The following NEK6 variants were observed in gnomAD, a reference collection of about 807,000 sequenced individuals.
NEK6 encodes NIMA related kinase 6.
A neutral mutation model predicts 43.5 loss-of-function variants in NEK6; 27 were observed. The ratio of observed to expected loss-of-function variants is 0.62; its 90% CI spans 0.46 to 0.86. The LOEUF (loss-of-function observed/expected upper bound fraction) is 0.86. Ranked by LOEUF, NEK6 falls within the 40% of genes least tolerant of loss-of-function variation. The pLI is 0.00. For missense variants in NEK6, 318 were observed against 414.4 expected (o/e 0.77, Z 2.02); for synonymous variants, 167 against 164.1 (o/e 1.02, Z -0.14).
intron 7 of NEK6, among the ~76,000 whole-genome samples, chr9:124,334,277 T>TTGGATGGA (rs1409768194): frequency 1.3e-5 from 2 of 151,318 alleles, no homozygotes; most frequent in Admixed American, 1.3e-4. Flanking sequence ...TGAATGGGGG[T>TTGGATGGA]TGGATGGATG....
intron 1 of NEK6, among the ~76,000 whole-genome samples, chr9:124,273,238 A>C (rs562593256): frequency 1.3e-5 from 2 of 152,238 alleles, no homozygotes; most frequent in Admixed American, 1.3e-4. Flanking sequence ...CTTATTCCAC[A>C]TCCACCTGCT....
intron 1 of NEK6, among the ~76,000 whole-genome samples, chr9:124,295,500 C>CT (rs1433661141): frequency 6.6e-5 from 10 of 152,220 alleles, no homozygotes; most frequent in Non-Finnish European, 1.2e-4. Flanking sequence ...GTCATTTATT[C>CT]ACACCCTCTT....
At chr9:124,302,773 A>G (rs888635724) in intron 2 of NEK6, among the ~76,000 whole-genome samples, 2 of 152,220 alleles carry the variant, frequency 1.3e-5, no homozygotes, top group Admixed American at 6.5e-5. Context: ...ACCTGTGTCC[A>G]CACACCTGGG....
chr9:124,269,467 G>A (rs1402253874), intron 1 of NEK6, among the ~76,000 whole-genome samples: 5 of 151,788 alleles, frequency 3.3e-5, no homozygotes, highest in East Asian at 1.9e-4. Context: ...TCTGCCTCCC[G>A]GGTTCAAGCA....
chr9:124,284,609 T>C (rs1832070165), intron 1 of NEK6, among the ~76,000 whole-genome samples: 1 of 152,246 alleles, frequency 6.6e-6, no homozygotes. Flanking sequence ...AAGGCAGGAC[T>C]GAGGCGGTCT....
Position 124,339,678 on chromosome 9 carries a change from CCGTGGCTCAGCAG to C in NEK6, c.717+15_717+27del. The C allele has an allele frequency of 6.3e-7, 1 of 1,594,120 alleles. No homozygotes were observed. The highest frequency in any genetic ancestry group is 8.6e-7 in the Non-Finnish European group (1 of 1,161,704). On this transcript the variant is annotated intron_variant, in intron 8 of 9. Coordinates refer to ENST00000320246, the MANE Select transcript of NEK6 (RefSeq NM_014397.6). ...TCTGCTGTACGAGGTGAGTCTCTGTCCGTGGCTCAGCAGCATTTGGTGGGACATGCATGGGGGG... is the reference window on the plus strand; with the variant it reads ...TCTGCTGTACGAGGTGAGTCTCTGTCCATTTGGTGGGACATGCATGGGGGG...
chr9:124,317,554 G>A (rs947043455), intron 4 of NEK6, among the ~76,000 whole-genome samples: 2 of 152,174 alleles, frequency 1.3e-5, no homozygotes, highest in African/African-American at 4.8e-5. Context: ...TAGATTCAGA[G>A]GGTACACATG....
intron 2 of NEK6, 48 bp from the exon 3 acceptor site, chr9:124,312,461 T>C (rs780281219): frequency 1.0e-5 from 16 of 1,588,200 alleles, no homozygotes; most frequent in Middle Eastern, 1.7e-4. Context: ...TCCCCAGGCC[T>C]CTGCTGCAGC....
At chr9:124,268,119 G>A (rs979042467) in intron 1 of NEK6, among the ~76,000 whole-genome samples, 3 of 152,186 alleles carry the variant, frequency 2.0e-5, no homozygotes. Context: ...TCACTGTGAT[G>A]TGCTAATGTT....
Position 124,351,187 on chromosome 9 carries a change from C to G in NEK6, c.*240C>G. The G allele has an allele frequency of 2.3e-6, 1 of 434,914 alleles. No individual in the cohort carries two copies. Among genetic ancestry groups the G allele is most frequent in the Admixed American group, 3.8e-5 (1 of 26,182 alleles). The allele number at this position is 434,914 out of a possible 1,614,324, so 26.9% of individuals were successfully genotyped here. ...CTTTCTTTATACTGTTGTGGACAAT[C>G]TCAGCTGGGTCAATAAGGGCAGGTG... is the stretch of plus-strand genomic sequence containing the variant. On this transcript the variant is annotated 3_prime_UTR_variant, in exon 10 of 10. Transcript: ENST00000320246.
chr9:124,309,838 A>C (rs113599600), intron 2 of NEK6, among the ~76,000 whole-genome samples: 2,087 of 152,344 alleles, frequency 0.014, 37 homozygotes, highest in African/African-American at 0.048. Context: ...ACTGTGCGCC[A>C]GGTCGTGTCA....
At chr9:124,266,347 C>T (rs1330304309) in intron 1 of NEK6, among the ~76,000 whole-genome samples, 2 of 152,290 alleles carry the variant, frequency 1.3e-5, no homozygotes, top group South Asian at 2.1e-4. Context: ...AACAGAGACC[C>T]AGAGAGTCCA....
chr9:124,316,233 G>T (rs796282562), intron 4 of NEK6, among the ~76,000 whole-genome samples: 5 of 152,358 alleles, frequency 3.3e-5, no homozygotes, highest in African/African-American at 1.2e-4. Context: ...AAGTGCGGGG[G>T]CTGGTGGGGT....
At chr9:124,273,871 G>T (rs1000394459) in intron 1 of NEK6, among the ~76,000 whole-genome samples, 10 of 152,196 alleles carry the variant, frequency 6.6e-5, no homozygotes, top group Non-Finnish European at 7.3e-5. Context: ...GTTTTAGCGA[G>T]TGCGGCGGCT....
At chr9:124,327,689 TGA>T (rs918900508) in intron 7 of NEK6, among the ~76,000 whole-genome samples, 1 of 152,214 alleles carries the variant, frequency 6.6e-6, no homozygotes, top group Non-Finnish European at 1.5e-5. Flanking sequence ...AGAAGCTGAC[TGA>T]GCCGGTTGCT....
chr9:124,321,415 C>G (rs749821002), intron 4 of NEK6, 44 bp from the exon 5 acceptor site: 1 of 1,335,720 alleles, frequency 7.5e-7, no homozygotes, highest in African/African-American at 1.4e-5. Flanking sequence ...GGGTCTGTCC[C>G]GTCTTCACTT....
At chr9:124,304,292 G>T (rs1276972473) in intron 2 of NEK6, among the ~76,000 whole-genome samples, 1 of 152,180 alleles carries the variant, frequency 6.6e-6, no homozygotes, top group Non-Finnish European at 1.5e-5. Context: ...GGAATTAATG[G>T]GCCAGGCATT....
At chr9:124,283,371 C>A (rs926964567) in intron 1 of NEK6, among the ~76,000 whole-genome samples, 2 of 152,232 alleles carry the variant, frequency 1.3e-5, no homozygotes, top group African/African-American at 4.8e-5. Flanking sequence ...TCCTTCCCCA[C>A]GTCCTAGGAC....
chr9:124,320,812 C>T (rs1298477650), intron 4 of NEK6, among the ~76,000 whole-genome samples: 1 of 152,158 alleles, frequency 6.6e-6, no homozygotes, highest in East Asian at 1.9e-4. Flanking sequence ...TTCACAAGGG[C>T]CAGGCATGGT....
Sources: allele counts gnomAD v4.1 joint callset (sites outside exome capture counted in the v4.1 genomes callset), GRCh38; gene constraint gnomAD v4.1.1; transcripts MANE v1.5; gene names NCBI Gene and HGNC (gene_info 2026-07-23, HGNC 2026-07-21).